C11orf65: variants seen among roughly 807,000 people sequenced by gnomAD.
C11orf65 encodes chromosome 11 open reading frame 65.
In C11orf65, 38 loss-of-function variants were observed where a neutral mutation model predicts 35.3. The ratio of observed to expected loss-of-function variants is 1.08; its 90% CI spans 0.83 to 1.41. The LOEUF (loss-of-function observed/expected upper bound fraction) is 1.41. Ranked by LOEUF, C11orf65 falls within the 40% of genes most tolerant of loss-of-function variation. The pLI is 0.00. For missense variants in C11orf65, 370 were observed against 367.1 expected, an observed-to-expected ratio of 1.01 and a Z score of -0.06; for synonymous variants, 105 against 114.4, an observed-to-expected ratio of 0.92 and a Z score of 0.53.
At chr11:108,462,784 A>G (rs1408913635) in intron 1 of C11orf65, 5 of 152,242 alleles carry the variant, frequency 3.3e-5, no homozygotes, top group Non-Finnish European at 7.3e-5. Flanking sequence ...TGGTTCTGAC[A>G]TGCTTTATCA....
intron 2 of C11orf65, among the ~76,000 whole-genome samples, chr11:108,453,147 TAAAAAAAAAAGAAAAAAG>T (rs541723714): frequency 0.019 from 2,300 of 122,396 alleles, 33 homozygotes; most frequent in Admixed American, 0.05. Flanking sequence ...AAAGTATAAT[TAAAAAAAAAAGAAAAAAG>T]AAAAAAAAAA....
chr11:108,315,534 G>A (rs984969344), intron 6 of C11orf65, among the ~76,000 whole-genome samples: 3 of 151,734 alleles, frequency 2.0e-5, no homozygotes, highest in Admixed American at 6.6e-5. Flanking sequence ...TTTTTCAGTA[G>A]TTCTAAACTG....
intron 1 of C11orf65, among the ~76,000 whole-genome samples, chr11:108,462,962 A>G (rs903544653): frequency 6.6e-6 from 1 of 151,842 alleles, no homozygotes; most frequent in Non-Finnish European, 1.5e-5. Context: ...CTCTACAACA[A>G]CAGCAACAAC....
intron 6 of C11orf65, among the ~76,000 whole-genome samples, chr11:108,402,394 C>A (rs562967856): frequency 6.6e-6 from 1 of 152,208 alleles, no homozygotes; most frequent in East Asian, 1.9e-4. Flanking sequence ...TATCTTAGTG[C>A]AAAAGACCTG....
downstream of C11orf65, among the ~76,000 whole-genome samples, chr11:108,381,967 C>T (rs1470098360): frequency 2.0e-5 from 3 of 152,054 alleles, no homozygotes; most frequent in Non-Finnish European, 2.9e-5. Context: ...AGGTTGCTTG[C>T]TCAGCCATGT....
At chr11:108,460,179 G>A (rs1327240296) in intron 2 of C11orf65, among the ~76,000 whole-genome samples, 1 of 152,144 alleles carries the variant, frequency 6.6e-6, no homozygotes, top group African/African-American at 2.4e-5. Flanking sequence ...GGCCTTGGTA[G>A]AGGCAAATAA....
intron 2 of C11orf65, chr11:108,336,138 A>AG (rs1425178553): frequency 1.8e-6 from 1 of 546,750 alleles, no homozygotes; most frequent in Non-Finnish European, 3.3e-6. Flanking sequence ...CTTGACAAAA[A>AG]GTTAAAAAAA....
intron 2 of C11orf65, among the ~76,000 whole-genome samples, chr11:108,348,194 TAAGA>T (rs756684205): frequency 4.6e-5 from 7 of 151,922 alleles, no homozygotes; most frequent in South Asian, 2.1e-4. Context: ...GTTTAATATA[TAAGA>T]AAGAAAGAAT....
Position 108,462,220 on chromosome 11 carries a change from T to G in C11orf65, c.-9-652A>C, listed in dbSNP as rs939071210. Among the ~76,000 whole-genome samples the G allele has an allele frequency of 1.7e-4, 26 of 152,086 alleles. 1 individual carries two copies. Among genetic ancestry groups the G allele is most frequent in the Non-Finnish European group, 4.4e-5 (3 of 68,018 alleles). ...TACGATGCCTAGCTAATTTTTAAAA[T>G]TTTTTGTAGAGACAGGTTCTTGCTA... is the stretch of plus-strand genomic sequence containing the variant. On this transcript the variant is annotated intron_variant, in intron 1 of 8. Coordinates refer to ENST00000393084, the MANE Select transcript of C11orf65 (RefSeq NM_152587.5).
chr11:108,365,286 C>T (rs751722133), intron 2 of C11orf65: 2 of 1,614,168 alleles, frequency 1.2e-6, no homozygotes, highest in East Asian at 2.2e-5. Context: ...GGCCTTTAAA[C>T]TGTTCACCTC....
rs77231306 is a variant in C11orf65, at chr11:108,436,625, G to C, written c.82-4787C>G. On this transcript the variant is annotated intron_variant, in intron 2 of 8. Transcript: ENST00000393084. ...AGCTGGGTTATTCTATTGTCAACTT[G>C]ACCAAACAAGGACAAATATAAAGAA... is the stretch of plus-strand genomic sequence containing the variant. Among the ~76,000 whole-genome samples the C allele has an allele frequency of 5.9e-3, 891 of 152,112 alleles. 9 individuals are homozygous for C. The highest frequency in any genetic ancestry group is 0.017 in the African/African-American group (724 of 41,462).
chr11:108,343,202 TA>T lies in C11orf65; in HGVS notation c.227-7911del. The T allele has an allele frequency of 1.2e-6, 2 of 1,613,648 alleles. No individual in the cohort carries two copies. Among genetic ancestry groups the T allele is most frequent in the Non-Finnish European group, 1.7e-6 (2 of 1,179,616 alleles). On this transcript the variant is annotated intron_variant, in intron 2 of 3. Coordinates refer to the C11orf65 transcript ENST00000524755. ...TTAATGGCCTTTTAAAATTAAAAGGTATTTAATCTGTAACTCCAGGTGGTTC... is the reference window on the plus strand; with the variant it reads ...TTAATGGCCTTTTAAAATTAAAAGGTTTTAATCTGTAACTCCAGGTGGTTC...
chr11:108,340,118 T>C (rs930991607), intron 2 of C11orf65: 4 of 152,144 alleles, frequency 2.6e-5, no homozygotes, highest in African/African-American at 9.6e-5. Context: ...TGGTACCACC[T>C]TCACTTGGTT....
At chr11:108,446,603 G>T (rs1181779807) in intron 2 of C11orf65, among the ~76,000 whole-genome samples, 1 of 152,040 alleles carries the variant, frequency 6.6e-6, no homozygotes, top group Non-Finnish European at 1.5e-5. Flanking sequence ...GTCACCACCA[G>T]GCCTGCCCTA....
At chr11:108,393,424 G>T (rs1342014573) in intron 6 of C11orf65, 46 bp from the exon 7 acceptor site, 1 of 1,526,382 alleles carries the variant, frequency 6.6e-7, no homozygotes, top group African/African-American at 1.4e-5. Flanking sequence ...TGAAATAGGA[G>T]ATTACAAGTA....
chr11:108,325,248 AGTTTT>A, intron 6 of C11orf65: 3 of 907,834 alleles, frequency 3.3e-6, no homozygotes, highest in Non-Finnish European at 4.9e-6. Context: ...GAACTTACAT[AGTTTT>A]TTTTTTTTTT....
At chr11:108,312,887 T>G (rs1255919865) in intron 6 of C11orf65, among the ~76,000 whole-genome samples, 1 of 152,230 alleles carries the variant, frequency 6.6e-6, no homozygotes, top group Non-Finnish European at 1.5e-5. Flanking sequence ...TTTCTTGATA[T>G]CCATTCTTAA....
At chr11:108,387,312 G>A (rs549358826) in intron 7 of C11orf65, among the ~76,000 whole-genome samples, 62 of 150,636 alleles carry the variant, frequency 4.1e-4, no homozygotes, top group African/African-American at 1.4e-3. Flanking sequence ...CTGCCACCAC[G>A]CCCGGCTAAT....
chr11:108,430,865 CA>C (rs567293551), intron 3 of C11orf65, among the ~76,000 whole-genome samples: 2 of 139,328 alleles, frequency 1.4e-5, no homozygotes, highest in Non-Finnish European at 3.1e-5. Flanking sequence ...ATAAATAAAA[CA>C]AAAAAAAACC....
Sources: gnomAD v4.1 joint callset for allele counts (sites outside exome capture counted in the v4.1 genomes callset) on GRCh38, gnomAD v4.1.1 for gene constraint, MANE v1.5 for transcripts, NCBI Gene and HGNC (gene_info 2026-07-23, HGNC 2026-07-21) for gene names.